NAALADL2: variants seen among roughly 807,000 people sequenced by gnomAD.
NAALADL2 encodes the protein N-acetylated alpha-linked acidic dipeptidase like 2.
NAALADL2 carries 76 observed loss-of-function variants against 87.2 expected under a neutral mutation model. That is an observed-to-expected ratio of 0.87 (90% CI 0.72 to 1.05). The LOEUF is 1.05. Among genes scored for constraint, NAALADL2 ranks in the 50% least tolerant of loss-of-function variants. The pLI, the probability that NAALADL2 is intolerant of heterozygous loss-of-function variation, is 0.00. For synonymous variants in NAALADL2, 354 were observed against 331.0 expected, an observed-to-expected ratio of 1.07 and a Z score of -0.75; for missense variants, 1,089 against 945.8, an observed-to-expected ratio of 1.15 and a Z score of -1.99.
At chr3:174,853,229 T>G (rs1304967366) in intron 3 of NAALADL2, among the ~76,000 whole-genome samples, 3 of 72,136 alleles carry the variant, frequency 4.2e-5, no homozygotes, top group Admixed American at 1.5e-4. Flanking sequence ...AAAAAAAAAA[T>G]TAGCCGGGTG....
intron 4 of NAALADL2, among the ~76,000 whole-genome samples, chr3:175,292,593 TACAC>T (rs71164627): frequency 2.5e-4 from 36 of 145,358 alleles, no homozygotes; most frequent in African/African-American, 6.1e-4. Context: ...TGAGTTGGGA[TACAC>T]ACACACACAC....
At chr3:174,630,243 T>C (rs1297253772) in intron 2 of NAALADL2, among the ~76,000 whole-genome samples, 2 of 152,184 alleles carry the variant, frequency 1.3e-5, no homozygotes, top group African/African-American at 4.8e-5. Flanking sequence ...TTGAAGTCAC[T>C]ACTTAGATAT....
chr3:175,128,566 T>C (rs1727318933), intron 2 of NAALADL2, among the ~76,000 whole-genome samples: 1 of 152,188 alleles, frequency 6.6e-6, no homozygotes, highest in Admixed American at 6.5e-5. Flanking sequence ...TGGAAAAATG[T>C]CCTGCTGTAT....
intron 2 of NAALADL2, among the ~76,000 whole-genome samples, chr3:175,207,069 T>C (rs994825713): frequency 6.6e-6 from 1 of 152,148 alleles, no homozygotes; most frequent in Non-Finnish European, 1.5e-5. Flanking sequence ...ACGTATATAT[T>C]GTAACATAAA....
At chr3:175,071,350 C>T (rs1415566642) in intron 1 of NAALADL2, among the ~76,000 whole-genome samples, 1 of 151,974 alleles carries the variant, frequency 6.6e-6, no homozygotes, top group Non-Finnish European at 1.5e-5. Flanking sequence ...GAAACATAAC[C>T]TTATCATTGG....
chr3:175,203,906 T>A (rs1382782833), intron 2 of NAALADL2, among the ~76,000 whole-genome samples: 1 of 152,136 alleles, frequency 6.6e-6, no homozygotes, highest in South Asian at 2.1e-4. Flanking sequence ...AATAATTCAA[T>A]AGCCTGAACA....
intron 1 of NAALADL2, among the ~76,000 whole-genome samples, chr3:174,937,353 A>G (rs563127147): frequency 2.0e-5 from 3 of 152,178 alleles, no homozygotes; most frequent in African/African-American, 7.2e-5. Flanking sequence ...GTGTGGTTCC[A>G]AAGTTAGTGA....
At chr3:174,817,576 T>A (rs1472975825) in intron 3 of NAALADL2, among the ~76,000 whole-genome samples, 1 of 152,154 alleles carries the variant, frequency 6.6e-6, no homozygotes, top group African/African-American at 2.4e-5. Flanking sequence ...CACTTCAGCC[T>A]AGTTGTCAGA....
chr3:175,707,920 TA>T (rs1189582618), intron 11 of NAALADL2, among the ~76,000 whole-genome samples: 3 of 151,972 alleles, frequency 2.0e-5, no homozygotes, highest in Non-Finnish European at 4.4e-5. Flanking sequence ...CACAAGTGCA[TA>T]TTCCAAGTTC....
chr3:174,466,998 C>A (rs2108301955), intron 1 of NAALADL2, among the ~76,000 whole-genome samples: 1 of 152,228 alleles, frequency 6.6e-6, no homozygotes, highest in East Asian at 1.9e-4. Flanking sequence ...TTAATGAAAG[C>A]AGGACGCATT....
intron 1 of NAALADL2, among the ~76,000 whole-genome samples, chr3:175,089,997 T>G (rs921286295): frequency 6.6e-6 from 1 of 152,164 alleles, no homozygotes; most frequent in Non-Finnish European, 1.5e-5. Flanking sequence ...ACTGTATTTA[T>G]CTCATGTATG....
chr3:175,569,914 T>G (rs1582442752), intron 9 of NAALADL2, among the ~76,000 whole-genome samples: 1 of 149,878 alleles, frequency 6.7e-6, no homozygotes, highest in African/African-American at 2.5e-5. Context: ...CTATATGAAT[T>G]TGTGTGTGTG....
intron 11 of NAALADL2, among the ~76,000 whole-genome samples, chr3:175,713,634 G>A (rs1740840217): frequency 6.6e-6 from 1 of 152,090 alleles, no homozygotes; most frequent in Non-Finnish European, 1.5e-5. Flanking sequence ...ACACAACTTT[G>A]ACATTCTATC....
At chr3:175,240,479 T>C (rs776734094) in intron 3 of NAALADL2, among the ~76,000 whole-genome samples, 5 of 152,220 alleles carry the variant, frequency 3.3e-5, no homozygotes, top group Non-Finnish European at 5.9e-5. Flanking sequence ...ATCAGTGTTA[T>C]GGCAAAAGGC....
chr3:175,788,354 G>C (rs1179175229), intron 13 of NAALADL2, among the ~76,000 whole-genome samples: 1 of 152,034 alleles, frequency 6.6e-6, no homozygotes. Flanking sequence ...GCCTCCCAAA[G>C]TCCTAGGATT....
At chr3:175,391,503 G>A (rs968162433) in intron 5 of NAALADL2, among the ~76,000 whole-genome samples, 5 of 152,172 alleles carry the variant, frequency 3.3e-5, no homozygotes, top group African/African-American at 1.2e-4. Context: ...GAGGCCTCAA[G>A]CCAAACACCC....
chr3:174,745,568 C>G (rs1734174799), intron 3 of NAALADL2, among the ~76,000 whole-genome samples: 1 of 152,192 alleles, frequency 6.6e-6, no homozygotes, highest in Middle Eastern at 3.4e-3. Flanking sequence ...ATATTGGGGA[C>G]TTCTCCTTAA....
chr3:175,468,892 C>T (rs375651945), intron 8 of NAALADL2, among the ~76,000 whole-genome samples: 9 of 152,120 alleles, frequency 5.9e-5, no homozygotes, highest in African/African-American at 2.2e-4. Context: ...GTGGTTAATA[C>T]ACATTCATTC....
intron 5 of NAALADL2, among the ~76,000 whole-genome samples, chr3:175,438,891 G>A (rs1321261575): frequency 2.0e-5 from 3 of 152,104 alleles, no homozygotes; most frequent in East Asian, 1.9e-4. Flanking sequence ...GGAACGGGTG[G>A]TGTTTGGTTA....
Sources: allele counts gnomAD v4.1 joint callset (sites outside exome capture counted in the v4.1 genomes callset), GRCh38; gene constraint gnomAD v4.1.1; transcripts MANE v1.5; gene names NCBI Gene and HGNC (gene_info 2026-07-23, HGNC 2026-07-21).